IGLL5: variants seen among roughly 807,000 people sequenced by gnomAD.
IGLL5 encodes immunoglobulin lambda-like polypeptide 5.
Under a neutral mutation model 20.9 loss-of-function variants are expected in IGLL5, and 30 were observed. The ratio of observed to expected loss-of-function variants is 1.44; its 90% confidence interval spans 1.07 to 1.95. The LOEUF is 1.95. Ranked by LOEUF, IGLL5 falls within the 30% of genes most tolerant of loss-of-function variation. The probability of loss-of-function intolerance (pLI) is 0.00; values close to 1 mark genes in which losing one functional copy is unlikely to be tolerated. For missense variants in IGLL5, 475 were observed against 270.7 expected (o/e 1.75, Z -5.30); for synonymous variants, 203 against 117.3 (o/e 1.73, Z -4.72).
chr22:22,890,176 A>G (rs1569083339), intron 1 of IGLL5, among the ~76,000 whole-genome samples: 1 of 148,930 alleles, frequency 6.7e-6, no homozygotes, highest in Admixed American at 6.7e-5. Context: ...AAAAAAAAAA[A>G]AGATTAAGCA....
At chr22:22,889,154 A>G (rs1365121389) in intron 1 of IGLL5, among the ~76,000 whole-genome samples, 2 of 150,960 alleles carry the variant, frequency 1.3e-5, no homozygotes, top group South Asian at 2.1e-4. Flanking sequence ...GCCCGATTAG[A>G]GGAGGGAGGA....
intron 2 of IGLL5, among the ~76,000 whole-genome samples, chr22:22,894,484 A>G (rs141148343): frequency 2.0e-5 from 3 of 151,498 alleles, no homozygotes; most frequent in Middle Eastern, 3.7e-3. Context: ...ACAGTCTCTT[A>G]GGGCAGAGAT....
chr22:22,894,938 C>T (rs183103773), intron 2 of IGLL5, among the ~76,000 whole-genome samples: 3 of 151,412 alleles, frequency 2.0e-5, no homozygotes, highest in East Asian at 2.0e-4. Flanking sequence ...CAGGACAGTC[C>T]TACAGGATGA....
At chr22:22,895,123 T>G (rs560766099) in intron 2 of IGLL5, among the ~76,000 whole-genome samples, 1 of 151,090 alleles carries the variant, frequency 6.6e-6, no homozygotes, top group African/African-American at 2.4e-5. Flanking sequence ...ATGGAGAAAT[T>G]GAGGCTGTAG....
At chr22:22,889,407 A>C (rs79580098) in intron 1 of IGLL5, among the ~76,000 whole-genome samples, 3,258 of 151,210 alleles carry the variant, frequency 0.022, 119 homozygotes, top group African/African-American at 0.064. Context: ...GTGTTTATCT[A>C]AACTGGGCAA....
In IGLL5 at chr22:22,895,718, C is replaced by CG; in HGVS notation, c.*27dup. Reference sequence around the variant, plus strand: ...AGGTTCCCAACTCTAACCCCACCCACGGGAGCCTGGAGCTGCAGGATCCCA... The same window carrying CG: ...AGGTTCCCAACTCTAACCCCACCCACGGGGAGCCTGGAGCTGCAGGATCCCA... On this transcript the variant is annotated 3_prime_UTR_variant, in exon 3 of 3. Transcript: ENST00000526893. The CG allele has an allele frequency of 6.2e-7, 1 of 1,610,700 alleles. No homozygotes were observed. Among genetic ancestry groups the CG allele is most frequent in the Non-Finnish European group, 8.5e-7 (1 of 1,177,514 alleles).
chr22:22,893,275 C>T (rs997786962), intron 1 of IGLL5, among the ~76,000 whole-genome samples: 10 of 151,170 alleles, frequency 6.6e-5, no homozygotes, highest in African/African-American at 2.4e-4. Flanking sequence ...GACTGAACCG[C>T]GTCTCCATGG....
chr22:22,889,939 A>C (rs2067764434), intron 1 of IGLL5, among the ~76,000 whole-genome samples: 1 of 151,248 alleles, frequency 6.6e-6, no homozygotes, highest in Admixed American at 6.6e-5. Flanking sequence ...AAAACCTGTC[A>C]GAAAATATAG....
chr22:22,893,677 C>T lies in IGLL5; in HGVS notation c.207-23C>T, dbSNP rs1248358245. ...AGGTCCCAGCCCCGCCCACTGCAAC[C>T]CTGTGCCCGTCATGCCCAGCAGGCT... On this transcript the variant is annotated intron_variant, in intron 1 of 2. Coordinates refer to ENST00000526893, the MANE Select transcript of IGLL5 (RefSeq NM_001178126.2). The T allele has an allele frequency of 2.0e-6, 3 of 1,530,450 alleles. No individual in the cohort carries two copies. The South Asian group carries it at 3.5e-5, about 18-fold the overall frequency. The allele number at this position is 1,530,450 out of a possible 1,614,324, so 94.8% of individuals were successfully genotyped here. A position where few individuals can be genotyped will look rare whatever the true frequency, so the allele number is the denominator to read the frequency against.
Position 22,888,204 on chromosome 22 carries a change from G to A in IGLL5, c.151G>A (p.Asp51Asn), listed in dbSNP as rs770767930. 6.5e-7 allele frequency: 1 copy of A among 1,548,708 alleles called. No homozygotes were observed. The highest frequency in any genetic ancestry group is 8.7e-7 in the Non-Finnish European group (1 of 1,146,540). ...PMVAPQSGDPDPGASVGSSRS... is the reference protein window; with the variant it reads ...PMVAPQSGDPNPGASVGSSRS... ...GGTTGCACCGCAAAGCGGGGACCCA[G>A]ACCCTGGAGCCTCAGTTGGAAGCAG... Residue 51 changes from aspartate to asparagine, a missense_variant, in exon 1 of 3, where the codon GAC becomes AAC. Physicochemically the swap from Asp to Asn is conservative, Grantham distance 23 (BLOSUM62 1). Coordinates refer to ENST00000526893, the MANE Select transcript of IGLL5 (RefSeq NM_001178126.2).
intron 2 of IGLL5, among the ~76,000 whole-genome samples, chr22:22,895,074 A>G (rs1376613093): frequency 6.6e-6 from 1 of 151,478 alleles, no homozygotes. Context: ...CTCAGACTCC[A>G]GAGATCAGAG....
chr22:22,894,227 A>T (rs532098136), intron 2 of IGLL5, among the ~76,000 whole-genome samples: 2 of 151,266 alleles, frequency 1.3e-5, no homozygotes, highest in Admixed American at 6.6e-5. Flanking sequence ...CTAGGGGAGC[A>T]GCCCCAAGAA....
intron 2 of IGLL5, among the ~76,000 whole-genome samples, chr22:22,894,400 G>A (rs1171160634): frequency 6.6e-6 from 1 of 151,370 alleles, no homozygotes; most frequent in African/African-American, 2.4e-5. Context: ...TGAGGACATG[G>A]GGACACAGAG....
intron 2 of IGLL5, among the ~76,000 whole-genome samples, chr22:22,894,042 T>C (rs2067972253): frequency 1.3e-5 from 2 of 150,764 alleles, no homozygotes; most frequent in South Asian, 2.1e-4. Context: ...GGGCCTGAGC[T>C]GGGATTGGGC....
chr22:22,895,251 A>T, intron 2 of IGLL5, 124 bp from the exon 3 acceptor site: 1 of 857,970 alleles, frequency 1.2e-6, no homozygotes. Flanking sequence ...AGAAGAGGAG[A>T]GAACCCCGGG....
Position 22,893,822 on chromosome 22 carries a change from AG to A in IGLL5, c.325+5del, listed in dbSNP as rs1275380615. On this transcript the variant is annotated splice_donor_5th_base_variant and intron_variant, in intron 2 of 2. Coordinates refer to ENST00000526893, the MANE Select transcript of IGLL5 (RefSeq NM_001178126.2). ...GGGACCAAGGTCACCGTCCTAGGTA[AG>A]TGGCTCTCAACCTTTCCCAGCCTGT... 6.3e-7 allele frequency: 1 copy of A among 1,585,638 alleles called. No homozygotes were observed. The highest frequency in any genetic ancestry group is 8.7e-7 in the Non-Finnish European group (1 of 1,154,974).
intron 2 of IGLL5, 113 bp downstream of exon 2, chr22:22,893,931 C>A (rs1160609387): frequency 6.3e-6 from 5 of 792,734 alleles, no homozygotes; most frequent in African/African-American, 3.4e-5. Flanking sequence ...AAGCACTGAC[C>A]CTTACCTTTC....
chr22:22,888,187 C>T lies in IGLL5; in HGVS notation c.134C>T (p.Pro45Leu), dbSNP rs760394502. The T allele has an allele frequency of 2.1e-5, 32 of 1,548,878 alleles. No individual in the cohort carries two copies. The highest frequency in any genetic ancestry group is 1.8e-4 in the Admixed American group (9 of 50,814). The change falls in exon 1 of 3, where the codon CCG becomes CTG. Residue 45 changes from proline (P) to leucine (L), a missense_variant. Transcript: ENST00000526893. ...AHGLLRPMVAPQSGDPDPGAS... is the reference protein window; with the variant it reads ...AHGLLRPMVALQSGDPDPGAS... ...GGCCTGCTGCGCCCAATGGTTGCAC[C>T]GCAAAGCGGGGACCCAGACCCTGGA...
At position 22,887,988 on chromosome 22, in the gene IGLL5, G is replaced by C. The variant is rs1455817886; in HGVS notation, c.-66G>C. The C allele has an allele frequency of 2.3e-6, 3 of 1,306,790 alleles. No individual in the cohort carries two copies. The East Asian group carries it at 7.6e-5, about 33-fold the overall frequency. 80.9% of individuals were successfully genotyped at this position (1,306,790 alleles called of 1,614,324 possible). A position where few individuals can be genotyped will look rare whatever the true frequency, so the allele number is the denominator to read the frequency against. The stretch of plus-strand genomic sequence containing the variant: ...ACAGCCCTGCTGGCGAGAGGGACCA[G>C]GGCACCGTCCTCCAGGGAGCCCATG... On this transcript the variant is annotated 5_prime_UTR_variant, in exon 1 of 3. Transcript: ENST00000526893.
Sources: gnomAD v4.1 joint callset for allele counts (sites outside exome capture counted in the v4.1 genomes callset) on GRCh38, gnomAD v4.1.1 for gene constraint, MANE v1.5 for transcripts, NCBI Gene and HGNC (gene_info 2026-07-23, HGNC 2026-07-21) for gene names.